Variants in JAM2 observed in about 807,000 individuals in gnomAD.
The protein encoded by JAM2 is junctional adhesion molecule B.
Under a neutral mutation model 42.0 loss-of-function variants are expected in JAM2, and 17 were observed. That is an observed-to-expected ratio of 0.40 (90% CI 0.28 to 0.61). The LOEUF (loss-of-function observed/expected upper bound fraction) is 0.61, where lower values mean the gene tolerates loss of function less well. Ranked by LOEUF, JAM2 falls within the 20% of genes least tolerant of loss-of-function variation. The pLI, the probability that JAM2 is intolerant of heterozygous loss-of-function variation, is 0.37. For missense variants in JAM2, 319 were observed against 358.3 expected (o/e 0.89, Z 0.89); for synonymous variants, 118 against 128.6 (o/e 0.92, Z 0.56).
chr21:25,684,992 C>T (rs1219997434), intron 2 of JAM2, among the ~76,000 whole-genome samples: 2 of 152,132 alleles, frequency 1.3e-5, no homozygotes, highest in East Asian at 3.8e-4. Context: ...AGAAGAATTA[C>T]TATTTCTTAA....
At chr21:25,702,133 A>T (rs552195067) in intron 5 of JAM2, 37 bp from the exon 6 acceptor site, 13 of 1,169,290 alleles carry the variant, frequency 1.1e-5, no homozygotes, top group Non-Finnish European at 1.6e-5. Flanking sequence ...TTATAGATCT[A>T]TGGCTTAAAA....
At position 25,697,970 on chromosome 21, in the gene JAM2, CT is replaced by C. The variant is rs754668453; in HGVS notation, c.395-706del. On this transcript the variant is annotated intron_variant, in intron 4 of 9. Coordinates refer to ENST00000480456, the MANE Select transcript of JAM2 (RefSeq NM_021219.4). ...ACACACACTCTCTCTCTCGCTCTCT[CT>C]CACACACACACATTCTCTCTCTCTC... Among the ~76,000 whole-genome samples the C allele has an allele frequency of 3.5e-4, 53 of 151,738 alleles. 1 individual carries two copies. The highest frequency in any genetic ancestry group is 5.9e-4 in the Non-Finnish European group (40 of 67,940).
intron 2 of JAM2, among the ~76,000 whole-genome samples, chr21:25,688,059 T>C (rs780370286): frequency 4.6e-5 from 7 of 152,256 alleles, no homozygotes; most frequent in Non-Finnish European, 1.0e-4. Context: ...AGACAGTAAG[T>C]ACTCAACCTA....
intron 1 of JAM2, among the ~76,000 whole-genome samples, chr21:25,643,023 G>T (rs752798560): frequency 6.6e-6 from 1 of 152,182 alleles, no homozygotes; most frequent in Non-Finnish European, 1.5e-5. Context: ...CTTTGTAAGC[G>T]CACTGTTGTC....
intron 2 of JAM2, among the ~76,000 whole-genome samples, chr21:25,685,599 T>C (rs746044652): frequency 6.6e-6 from 1 of 151,340 alleles, no homozygotes; most frequent in Non-Finnish European, 1.5e-5. Flanking sequence ...CTTAAAAAAT[T>C]ATTAGGTTAA....
At chr21:25,662,891 A>C (rs1029816839) in intron 1 of JAM2, among the ~76,000 whole-genome samples, 14 of 152,214 alleles carry the variant, frequency 9.2e-5, no homozygotes, top group Admixed American at 2.6e-4. Context: ...TAGTTCCAAC[A>C]TCATGCTCCT....
In JAM2 at chr21:25,659,850, T is replaced by C. The variant is rs1031827811; in HGVS notation, c.67+19962T>C. The stretch of plus-strand genomic sequence containing the variant: ...AAATGCATCAAAATTAGTTGAATTA[T>C]CCTTAGCTGAAAATTGATTCTTTGA... On this transcript the variant is annotated intron_variant, in intron 1 of 9. Transcript: ENST00000480456. 2.6e-5 allele frequency among the ~76,000 whole-genome samples: 4 copies of C among 152,196 alleles called. No individual in the cohort carries two copies. The South Asian group carries it at 8.3e-4, about 32-fold the overall frequency.
intron 1 of JAM2, among the ~76,000 whole-genome samples, chr21:25,656,622 T>C (rs1243411769): frequency 6.6e-6 from 1 of 152,184 alleles, no homozygotes; most frequent in Non-Finnish European, 1.5e-5. Flanking sequence ...GCCATTTGTG[T>C]CAGAAGCTAT....
rs567820197 is a variant in JAM2, at chr21:25,661,724, T to TGATA, written c.67+21838_67+21841dup. On this transcript the variant is annotated intron_variant, in intron 1 of 9. Transcript: ENST00000480456. The stretch of plus-strand genomic sequence containing the variant: ...CAAAATTTATTATAAAATGAGGGTC[T>TGATA]GATAGTGTTAAGAACCAATAAATTA... 2.4e-4 allele frequency among the ~76,000 whole-genome samples: 37 copies of TGATA among 152,180 alleles called. No homozygotes were observed. The East Asian group carries it at 7.1e-3, about 29-fold the overall frequency.
chr21:25,641,457 G>A (rs2032439285), intron 1 of JAM2, among the ~76,000 whole-genome samples: 1 of 152,156 alleles, frequency 6.6e-6, no homozygotes, highest in Non-Finnish European at 1.5e-5. Flanking sequence ...TCAAGCTTTA[G>A]GTAAATATAA....
rs1035358866 is a variant in JAM2 at position 25,660,519 on chromosome 21, C to T, written c.67+20631C>T. On this transcript the variant is annotated intron_variant, in intron 1 of 9. Transcript: ENST00000480456. ...TGCTATATATTTGCTGAGCAGGGAC[C>T]AGGCCTCTTAAACAGCTTGCTGTGT... 2.6e-5 allele frequency among the ~76,000 whole-genome samples: 4 copies of T among 151,838 alleles called. No individual in the cohort carries two copies. In the East Asian group the frequency reaches 7.8e-4, roughly 30 times the overall value.
At chr21:25,680,110 G>A (rs2123362557) in intron 1 of JAM2, among the ~76,000 whole-genome samples, 1 of 152,274 alleles carries the variant, frequency 6.6e-6, no homozygotes, top group South Asian at 2.1e-4. Context: ...CCTTTCTCAA[G>A]GGTCCATCAA....
chr21:25,654,818 G>A (rs996245943), intron 1 of JAM2, among the ~76,000 whole-genome samples: 2 of 152,236 alleles, frequency 1.3e-5, no homozygotes, highest in Non-Finnish European at 2.9e-5. Flanking sequence ...AAGGTAGCAC[G>A]TGCATGAACT....
intron 4 of JAM2, among the ~76,000 whole-genome samples, chr21:25,697,113 G>T (rs150245797): frequency 1.5e-3 from 225 of 150,932 alleles, no homozygotes; most frequent in African/African-American, 5.4e-3. Context: ...CAAAAATGCT[G>T]GGATTACAGG....
At chr21:25,647,923 C>G (rs746607352) in intron 1 of JAM2, among the ~76,000 whole-genome samples, 1 of 152,158 alleles carries the variant, frequency 6.6e-6, no homozygotes, top group Non-Finnish European at 1.5e-5. Flanking sequence ...AAAAAATGCA[C>G]TAGAGGGCTG....
intron 1 of JAM2, among the ~76,000 whole-genome samples, chr21:25,651,075 A>C (rs952935261): frequency 2.0e-5 from 3 of 150,186 alleles, no homozygotes; most frequent in Non-Finnish European, 4.4e-5. Context: ...AAAAAAAAAA[A>C]AAAAAAAACA....
At chr21:25,666,417 C>T (rs376455048) in intron 1 of JAM2, among the ~76,000 whole-genome samples, 58 of 151,880 alleles carry the variant, frequency 3.8e-4, no homozygotes, top group African/African-American at 1.3e-3. Context: ...CTCTGCCTCC[C>T]GGGTTCAAGC....
intron 1 of JAM2, among the ~76,000 whole-genome samples, chr21:25,674,252 A>T (rs1254461666): frequency 6.6e-6 from 1 of 152,026 alleles, no homozygotes; most frequent in Non-Finnish European, 1.5e-5. Context: ...AACATTAGCC[A>T]GGTGTGGTGG....
At chr21:25,701,759 C>T (rs1286981760) in intron 5 of JAM2, among the ~76,000 whole-genome samples, 1 of 152,164 alleles carries the variant, frequency 6.6e-6, no homozygotes, top group African/African-American at 2.4e-5. Flanking sequence ...AGTGAACTCG[C>T]TTGTGACTTA....
Sources: allele counts gnomAD v4.1 joint callset (sites outside exome capture counted in the v4.1 genomes callset), GRCh38; gene constraint gnomAD v4.1.1; transcripts MANE v1.5; gene names NCBI Gene and HGNC (gene_info 2026-07-23, HGNC 2026-07-21).